The following APBB2 variants were observed in gnomAD, a reference collection of about 807,000 sequenced individuals.
The protein encoded by APBB2 is Fe65-like 1.
APBB2 carries 38 observed loss-of-function variants against 82.5 expected under a neutral mutation model. That is an observed-to-expected ratio of 0.46 (90% CI 0.36 to 0.60). APBB2 has a LOEUF of 0.60. Ranked by LOEUF, APBB2 falls within the 20% of genes least tolerant of loss-of-function variation. The pLI is 0.00. For synonymous variants in APBB2, 341 were observed against 368.2 expected, an observed-to-expected ratio of 0.93 and a Z score of 0.85; for missense variants, 772 against 972.3, an observed-to-expected ratio of 0.79 and a Z score of 2.74.
intron 12 of APBB2, among the ~76,000 whole-genome samples, chr4:40,883,632 G>T (rs1277989617): frequency 6.7e-6 from 1 of 150,006 alleles, no homozygotes; most frequent in African/African-American, 2.5e-5. Flanking sequence ...CGGAACAGTA[G>T]CAAGGCTAAG....
At chr4:40,880,227 CCTA>C in intron 12 of APBB2, 2 of 985,418 alleles carry the variant, frequency 2.0e-6, no homozygotes, top group Non-Finnish European at 2.4e-6. Flanking sequence ...CTTCTCTTGA[CCTA>C]CTCTAGCTCT....
intron 4 of APBB2, among the ~76,000 whole-genome samples, chr4:41,061,985 C>T (rs1261325140): frequency 6.6e-6 from 1 of 152,094 alleles, no homozygotes; most frequent in Non-Finnish European, 1.5e-5. Context: ...AATCGTTTCC[C>T]TTCTCCAGGG....
intron 1 of APBB2, among the ~76,000 whole-genome samples, chr4:41,190,614 T>G (rs1774174154): frequency 6.6e-6 from 1 of 152,154 alleles, no homozygotes; most frequent in Non-Finnish European, 1.5e-5. Context: ...GAAGAGCAAG[T>G]ATCCAGCATG....
At chr4:40,863,230 T>A (rs935491898) in intron 12 of APBB2, among the ~76,000 whole-genome samples, 1 of 152,218 alleles carries the variant, frequency 6.6e-6, no homozygotes, top group African/African-American at 2.4e-5. Context: ...GTGGCATGCA[T>A]CTATACTCAC....
chr4:40,923,459 C>T (rs1486937026), intron 10 of APBB2, among the ~76,000 whole-genome samples: 1 of 152,200 alleles, frequency 6.6e-6, no homozygotes, highest in East Asian at 1.9e-4. Context: ...ACCAGCTGGC[C>T]TTCCTGGAGC....
chr4:41,209,702 G>A (rs541254566), intron 1 of APBB2, among the ~76,000 whole-genome samples: 13 of 152,272 alleles, frequency 8.5e-5, no homozygotes, highest in South Asian at 4.1e-4. Context: ...TTCAAATGTC[G>A]AATACACTTT....
intron 12 of APBB2, among the ~76,000 whole-genome samples, chr4:40,848,133 G>C (rs915587537): frequency 1.3e-5 from 2 of 152,114 alleles, no homozygotes; most frequent in African/African-American, 4.8e-5. Flanking sequence ...CTTCCATCTA[G>C]ATACAAGTAT....
At chr4:40,919,380 C>T (rs1780690374) in intron 10 of APBB2, among the ~76,000 whole-genome samples, 1 of 152,200 alleles carries the variant, frequency 6.6e-6, no homozygotes, top group Non-Finnish European at 1.5e-5. Flanking sequence ...AAAACTTTCT[C>T]ACATCATCAG....
At chr4:40,922,002 C>G (rs1781381350) in intron 10 of APBB2, among the ~76,000 whole-genome samples, 1 of 152,288 alleles carries the variant, frequency 6.6e-6, no homozygotes, top group African/African-American at 2.4e-5. Flanking sequence ...GTGCCAACAA[C>G]AGAGGGGGAA....
chr4:40,882,810 T>C (rs1769033442), intron 12 of APBB2, among the ~76,000 whole-genome samples: 1 of 152,128 alleles, frequency 6.6e-6, no homozygotes, highest in South Asian at 2.1e-4. Flanking sequence ...AAACTTGAGG[T>C]GACTGGTTTT....
At chr4:41,074,097 G>T (rs1326871239) in intron 3 of APBB2, among the ~76,000 whole-genome samples, 1 of 152,190 alleles carries the variant, frequency 6.6e-6, no homozygotes, top group Admixed American at 6.5e-5. Flanking sequence ...CTGCACTTCA[G>T]CCTGGGTGAC....
chr4:40,831,105 T>A (rs1321475612), intron 12 of APBB2, among the ~76,000 whole-genome samples: 1 of 151,834 alleles, frequency 6.6e-6, no homozygotes, highest in African/African-American at 2.4e-5. Context: ...CCTCTAAAAA[T>A]TTTTTTAAAA....
chr4:41,176,814 A>C (rs942690739), intron 1 of APBB2, among the ~76,000 whole-genome samples: 1 of 152,194 alleles, frequency 6.6e-6, no homozygotes, highest in East Asian at 1.9e-4. Flanking sequence ...AACTAAAATT[A>C]TAAGAAAAAA....
At chr4:40,980,628 A>G (rs1798234332) in intron 6 of APBB2, among the ~76,000 whole-genome samples, 1 of 152,228 alleles carries the variant, frequency 6.6e-6, no homozygotes, top group African/African-American at 2.4e-5. Context: ...CAAAAACAGT[A>G]GAAATTATAG....
At chr4:41,126,630 G>A (rs1754481637) in intron 2 of APBB2, among the ~76,000 whole-genome samples, 1 of 152,124 alleles carries the variant, frequency 6.6e-6, no homozygotes, top group Non-Finnish European at 1.5e-5. Flanking sequence ...CGACTGGGTG[G>A]CTTAAACAAT....
At chr4:41,170,495 T>A (rs975938925) in intron 1 of APBB2, among the ~76,000 whole-genome samples, 6 of 152,148 alleles carry the variant, frequency 3.9e-5, no homozygotes, top group Non-Finnish European at 5.9e-5. Flanking sequence ...TTAACAAAAA[T>A]GCTTATTCAG....
At chr4:40,960,670 A>T (rs1309861952) in intron 6 of APBB2, among the ~76,000 whole-genome samples, 1 of 151,780 alleles carries the variant, frequency 6.6e-6, no homozygotes, top group Non-Finnish European at 1.5e-5. Context: ...GATGGTCTTG[A>T]TCTCCTGACC....
chr4:41,142,198 A>G (rs1688703539), intron 2 of APBB2, among the ~76,000 whole-genome samples: 1 of 152,252 alleles, frequency 6.6e-6, no homozygotes, highest in African/African-American at 2.4e-5. Context: ...CTGCTTATGT[A>G]GAAAGCTGAC....
At chr4:41,126,590 G>A (rs1035277364) in intron 2 of APBB2, among the ~76,000 whole-genome samples, 1 of 152,136 alleles carries the variant, frequency 6.6e-6, no homozygotes, top group Non-Finnish European at 1.5e-5. Flanking sequence ...GCTTGCAGTA[G>A]TTTGATAGGA....
Sources: allele counts gnomAD v4.1 joint callset (sites outside exome capture counted in the v4.1 genomes callset), GRCh38; gene constraint gnomAD v4.1.1; transcripts MANE v1.5; gene names NCBI Gene and HGNC (gene_info 2026-07-23, HGNC 2026-07-21).